Variants in MB21D2 observed in about 807,000 individuals in gnomAD.
The protein encoded by MB21D2 is Mab-21 domain containing 2.
A neutral mutation model predicts 33.3 loss-of-function variants in MB21D2; 9 were observed. The ratio of observed to expected loss-of-function variants is 0.27; its 90% CI spans 0.16 to 0.47. The LOEUF (loss-of-function observed/expected upper bound fraction) is 0.47, where lower values mean the gene tolerates loss of function less well. Ranked by LOEUF, MB21D2 falls within the 20% of genes least tolerant of loss-of-function variation. The pLI, the probability that MB21D2 is intolerant of heterozygous loss-of-function variation, is 0.99. For synonymous variants in MB21D2, 241 were observed against 236.3 expected (o/e 1.02, Z -0.18); for missense variants, 540 against 624.6 (o/e 0.86, Z 1.44).
chr3:192,905,827 G>C (rs1377943365), intron 1 of MB21D2, among the ~76,000 whole-genome samples: 1 of 151,744 alleles, frequency 6.6e-6, no homozygotes, highest in East Asian at 1.9e-4. Context: ...AGCACGCCCT[G>C]TCTCAAAAAG....
chr3:192,855,125 T>A (rs1387840644), intron 1 of MB21D2, among the ~76,000 whole-genome samples: 1 of 152,038 alleles, frequency 6.6e-6, no homozygotes, highest in Non-Finnish European at 1.5e-5. Flanking sequence ...CAAGATGGAG[T>A]CTTGCTCTGT....
intron 1 of MB21D2, among the ~76,000 whole-genome samples, chr3:192,842,523 A>G (rs148119593): frequency 4.6e-5 from 7 of 152,360 alleles, no homozygotes; most frequent in Non-Finnish European, 7.3e-5. Flanking sequence ...TTTCCTCTTA[A>G]ATCAACTCGG....
chr3:192,906,106 G>T (rs1324275203), intron 1 of MB21D2, among the ~76,000 whole-genome samples: 3 of 152,162 alleles, frequency 2.0e-5, no homozygotes, highest in African/African-American at 7.2e-5. Flanking sequence ...AGGCTTATCA[G>T]CATCATCCCA....
chr3:192,876,602 A>C (rs577947512), intron 1 of MB21D2, among the ~76,000 whole-genome samples: 6 of 152,296 alleles, frequency 3.9e-5, no homozygotes, highest in African/African-American at 1.4e-4. Context: ...TGTTGCCCTT[A>C]GGATAGCGCC....
chr3:192,851,225 T>G (rs561856993), intron 1 of MB21D2, among the ~76,000 whole-genome samples: 58 of 152,166 alleles, frequency 3.8e-4, no homozygotes, highest in Non-Finnish European at 6.6e-4. Context: ...CTTAAAAACA[T>G]TATGCTAAGT....
intron 1 of MB21D2, among the ~76,000 whole-genome samples, chr3:192,877,352 G>A: frequency 6.7e-6 from 1 of 148,818 alleles, no homozygotes; most frequent in East Asian, 1.9e-4. Context: ...ATAATTTGAG[G>A]AAAATATGAA....
At chr3:192,811,594 T>G (rs926966207) in intron 1 of MB21D2, among the ~76,000 whole-genome samples, 30 of 152,184 alleles carry the variant, frequency 2.0e-4, no homozygotes, top group Admixed American at 1.0e-3. Flanking sequence ...TCAGCAAGCT[T>G]GCTTTTCTGT....
chr3:192,858,542 G>A (rs1402919520), intron 1 of MB21D2, among the ~76,000 whole-genome samples: 1 of 152,198 alleles, frequency 6.6e-6, no homozygotes, highest in Non-Finnish European at 1.5e-5. Context: ...CCTTTGACAA[G>A]TTGTGAACTT....
chr3:192,875,095 G>A (rs1399063861), intron 1 of MB21D2, among the ~76,000 whole-genome samples: 1 of 151,958 alleles, frequency 6.6e-6, no homozygotes, highest in African/African-American at 2.4e-5. Flanking sequence ...GACTGATACA[G>A]TGTTTAACAA....
At chr3:192,898,163 T>C (rs1179144969) in intron 1 of MB21D2, among the ~76,000 whole-genome samples, 1 of 35,898 alleles carries the variant, frequency 2.8e-5, no homozygotes, top group African/African-American at 1.0e-4. Flanking sequence ...TTATAACTAT[T>C]TATTTTTCAA....
chr3:192,916,116 A>ATATATATATT (rs1714460568), intron 1 of MB21D2, among the ~76,000 whole-genome samples: 1 of 148,296 alleles, frequency 6.7e-6, no homozygotes, highest in African/African-American at 2.5e-5. Context: ...ATATATATAT[A>ATATATATATT]TATATTTAAT....
At chr3:192,873,019 A>C (rs1389739168) in intron 1 of MB21D2, among the ~76,000 whole-genome samples, 3 of 148,546 alleles carry the variant, frequency 2.0e-5, no homozygotes. Context: ...ACCCCCCCCC[A>C]CCAAGCAAGC....
chr3:192,863,704 T>A (rs1713102438), intron 1 of MB21D2, among the ~76,000 whole-genome samples: 1 of 152,122 alleles, frequency 6.6e-6, no homozygotes, highest in African/African-American at 2.4e-5. Flanking sequence ...TATTGGGAGA[T>A]GGAGCCTCCA....
intron 1 of MB21D2, among the ~76,000 whole-genome samples, chr3:192,821,235 C>T (rs1028973809): frequency 9.9e-5 from 15 of 152,120 alleles, no homozygotes; most frequent in Non-Finnish European, 1.5e-4. Context: ...CTTTATAATG[C>T]CCTCTTATGA....
intron 1 of MB21D2, among the ~76,000 whole-genome samples, chr3:192,818,550 C>A (rs1232615432): frequency 1.3e-5 from 2 of 152,160 alleles, no homozygotes; most frequent in Non-Finnish European, 2.9e-5. Context: ...TGTATTGTTG[C>A]CTATGATCTT....
chr3:192,819,428 G>A (rs1377063193), intron 1 of MB21D2, among the ~76,000 whole-genome samples: 4 of 152,112 alleles, frequency 2.6e-5, no homozygotes, highest in African/African-American at 7.2e-5. Flanking sequence ...ATTAGTGGAG[G>A]GTGAAGGTGG....
chr3:192,876,902 A>G (rs538413304), intron 1 of MB21D2, among the ~76,000 whole-genome samples: 2 of 152,174 alleles, frequency 1.3e-5, no homozygotes, highest in South Asian at 2.1e-4. Flanking sequence ...CTCCTGTGGC[A>G]CCCGCTATTT....
intron 1 of MB21D2, among the ~76,000 whole-genome samples, chr3:192,846,241 A>G (rs566943138): frequency 6.6e-6 from 1 of 152,308 alleles, no homozygotes; most frequent in South Asian, 2.1e-4. Flanking sequence ...TTATTAATCC[A>G]TATAAGCCTT....
chr3:192,855,488 T>G (rs1577184881), intron 1 of MB21D2, among the ~76,000 whole-genome samples: 1 of 152,234 alleles, frequency 6.6e-6, no homozygotes, highest in African/African-American at 2.4e-5. Flanking sequence ...AACAAAAAAT[T>G]TGTGCGATTC....
Sources: gnomAD v4.1 joint callset for allele counts (sites outside exome capture counted in the v4.1 genomes callset) on GRCh38, gnomAD v4.1.1 for gene constraint, MANE v1.5 for transcripts, NCBI Gene and HGNC (gene_info 2026-07-23, HGNC 2026-07-21) for gene names.